ERBB4: variants seen among roughly 807,000 people sequenced by gnomAD.
ERBB4 encodes the protein receptor tyrosine-protein kinase erbB-4.
A neutral mutation model predicts 158.0 loss-of-function variants in ERBB4; 42 were observed. The observed-to-expected ratio is 0.27, with a 90% CI of 0.21 to 0.34. ERBB4 has a LOEUF of 0.34. ERBB4 is among the 10% of genes least tolerant of loss of function. ERBB4 has a pLI of 1.00. For missense variants in ERBB4, 1,333 were observed against 1,624.1 expected (o/e 0.82, Z 3.08); for synonymous variants, 583 against 558.7 (o/e 1.04, Z -0.61).
At chr2:212,466,161 G>A (rs1001026178) in intron 1 of ERBB4, among the ~76,000 whole-genome samples, 3 of 152,132 alleles carry the variant, frequency 2.0e-5, no homozygotes, top group Admixed American at 2.0e-4. Flanking sequence ...AATTCCAACA[G>A]TAGTGACTTT....
At chr2:212,208,231 T>G (rs1447147192) in intron 1 of ERBB4, among the ~76,000 whole-genome samples, 2 of 152,208 alleles carry the variant, frequency 1.3e-5, no homozygotes, top group Non-Finnish European at 2.9e-5. Flanking sequence ...CCCTGGACTG[T>G]GCTTCCCTCT....
In ERBB4 at chr2:211,603,478, G is replaced by A. The variant is rs138208218; in HGVS notation, c.2301+15699C>T. On this transcript the variant is annotated intron_variant, in intron 19 of 27. Transcript: ENST00000342788. ...GAAAAAAAATCATCCATTACAAAAG[G>A]TGAATAAGAAAAAATATATACATAA... is the stretch of plus-strand genomic sequence containing the variant. 5.0e-3 allele frequency among the ~76,000 whole-genome samples: 766 copies of A among 152,144 alleles called. 5 individuals are homozygous for A. Among genetic ancestry groups the A allele is most frequent in the African/African-American group, 0.018 (731 of 41,512 alleles).
At chr2:211,962,630 A>G (rs2081209491) in intron 2 of ERBB4, among the ~76,000 whole-genome samples, 1 of 152,152 alleles carries the variant, frequency 6.6e-6, no homozygotes, top group Non-Finnish European at 1.5e-5. Context: ...TAGGTTGGTG[A>G]GAAGCTGGTG....
intron 2 of ERBB4, among the ~76,000 whole-genome samples, chr2:212,099,831 T>C (rs1026383534): frequency 6.6e-6 from 1 of 151,914 alleles, no homozygotes; most frequent in Non-Finnish European, 1.5e-5. Context: ...CTGTTATCTG[T>C]ATTGGGGATG....
chr2:212,353,381 T>A (rs144138372), intron 1 of ERBB4, among the ~76,000 whole-genome samples: 1 of 149,582 alleles, frequency 6.7e-6, no homozygotes, highest in Non-Finnish European at 1.5e-5. Context: ...TACATATATG[T>A]GCTGTATATA....
chr2:212,305,845 CTTAATGAATT>C (rs1559973701), intron 1 of ERBB4, among the ~76,000 whole-genome samples: 2 of 151,310 alleles, frequency 1.3e-5, no homozygotes, highest in African/African-American at 4.8e-5. Context: ...AGTACACAAA[CTTAATGAATT>C]TTAAAAAGAA....
intron 1 of ERBB4, among the ~76,000 whole-genome samples, chr2:212,229,676 G>A (rs2083597890): frequency 6.6e-6 from 1 of 152,136 alleles, no homozygotes; most frequent in East Asian, 1.9e-4. Flanking sequence ...GTTTAGGGCT[G>A]TTACAGCTTA....
intron 14 of ERBB4, among the ~76,000 whole-genome samples, chr2:211,667,134 A>C (rs1233283434): frequency 6.6e-6 from 1 of 151,452 alleles, no homozygotes; most frequent in African/African-American, 2.4e-5. Context: ...TAGTGTTTTA[A>C]GAAAGTTTAC....
At chr2:212,252,810 G>A (rs192526531) in intron 1 of ERBB4, among the ~76,000 whole-genome samples, 54 of 152,164 alleles carry the variant, frequency 3.5e-4, no homozygotes, top group African/African-American at 1.3e-3. Flanking sequence ...ACATGTAGGT[G>A]TGATGGCAGA....
At chr2:211,966,531 C>T (rs1445630909) in intron 2 of ERBB4, among the ~76,000 whole-genome samples, 1 of 152,148 alleles carries the variant, frequency 6.6e-6, no homozygotes, top group Non-Finnish European at 1.5e-5. Flanking sequence ...TGAGCCACTG[C>T]ACCCGGACTT....
intron 1 of ERBB4, among the ~76,000 whole-genome samples, chr2:212,478,480 G>A (rs1394674702): frequency 3.3e-5 from 5 of 149,542 alleles, no homozygotes; most frequent in African/African-American, 1.3e-4. Flanking sequence ...TAAAATATAA[G>A]TGAGCGAGAG....
At position 211,413,309 on chromosome 2, in the gene ERBB4, A is replaced by AAAAAAAAAAAAAAAAAAACAC. The variant is rs1553524037; in HGVS notation, c.3135+7131_3135+7132insGTGTTTTTTTTTTTTTTTTTT. On this transcript the variant is annotated intron_variant, in intron 25 of 27. Coordinates refer to ENST00000342788, the MANE Select transcript of ERBB4 (RefSeq NM_005235.3). Reference sequence around the variant, plus strand: ...GGACAGAGAGAGACCCTGTCTTAAAAACACACACACACACACACACACACA... The same window carrying AAAAAAAAAAAAAAAAAAACAC: ...GGACAGAGAGAGACCCTGTCTTAAAAAAAAAAAAAAAAAAAAAACACACACACACACACACACACACACACA... 3.0e-4 allele frequency among the ~76,000 whole-genome samples: 28 copies of AAAAAAAAAAAAAAAAAAACAC among 94,570 alleles called. 2 individuals are homozygous for AAAAAAAAAAAAAAAAAAACAC. Among genetic ancestry groups the AAAAAAAAAAAAAAAAAAACAC allele is most frequent in the Non-Finnish European group, 4.7e-4 (20 of 42,606 alleles). The allele number at this position is 94,570 out of a possible 152,430, so 62.0% of individuals were successfully genotyped here.
At chr2:211,830,881 G>T (rs1255984433) in intron 3 of ERBB4, among the ~76,000 whole-genome samples, 2 of 151,998 alleles carry the variant, frequency 1.3e-5, no homozygotes, top group African/African-American at 4.8e-5. Flanking sequence ...AACAAGGACT[G>T]CATAGAGCAC....
intron 1 of ERBB4, among the ~76,000 whole-genome samples, chr2:212,365,004 T>C (rs2089833157): frequency 6.6e-6 from 1 of 151,596 alleles, no homozygotes. Flanking sequence ...TTTTATAAAA[T>C]AGACAAAATA....
intron 23 of ERBB4, among the ~76,000 whole-genome samples, chr2:211,423,733 A>G (rs2063560851): frequency 6.6e-6 from 1 of 151,970 alleles, no homozygotes; most frequent in Non-Finnish European, 1.5e-5. Flanking sequence ...ATTAATTTTT[A>G]AAACTGTCAG....
intron 5 of ERBB4, among the ~76,000 whole-genome samples, chr2:211,745,758 T>C (rs942033798): frequency 1.4e-5 from 2 of 146,468 alleles, no homozygotes; most frequent in African/African-American, 5.0e-5. Flanking sequence ...TAGGTAAGTA[T>C]ACTTATCTCC....
intron 2 of ERBB4, among the ~76,000 whole-genome samples, chr2:211,966,253 A>T (rs929670717): frequency 2.6e-5 from 4 of 152,064 alleles, no homozygotes; most frequent in East Asian, 1.9e-4. Context: ...TATTATTATT[A>T]TTTTTTGAGA....
chr2:211,437,424 G>A (rs17803242), intron 20 of ERBB4, among the ~76,000 whole-genome samples: 6,641 of 152,268 alleles, frequency 0.044, 211 homozygotes, highest in Non-Finnish European at 0.066. Flanking sequence ...GAAAAGAACA[G>A]AGAATGACTT....
At chr2:211,498,344 C>T (rs1014138034) in intron 20 of ERBB4, among the ~76,000 whole-genome samples, 5 of 152,038 alleles carry the variant, frequency 3.3e-5, no homozygotes, top group African/African-American at 9.7e-5. Context: ...AGAAGAGTTA[C>T]TTGTTTATTT....
Sources: allele counts gnomAD v4.1 joint callset (sites outside exome capture counted in the v4.1 genomes callset), GRCh38; gene constraint gnomAD v4.1.1; transcripts MANE v1.5; gene names NCBI Gene and HGNC (gene_info 2026-07-23, HGNC 2026-07-21).